Variants in LPCAT1 observed in about 807,000 individuals in gnomAD.
LPCAT1 encodes lysophosphatidylcholine acyltransferase 1, also known as 1-acylglycerol-3-phosphate O-acyltransferase.
A neutral mutation model predicts 60.9 loss-of-function variants in LPCAT1; 23 were observed. The ratio of observed to expected loss-of-function variants is 0.38; its 90% CI spans 0.27 to 0.53. The LOEUF is 0.53. Ranked by LOEUF, LPCAT1 falls within the 20% of genes least tolerant of loss-of-function variation. LPCAT1 has a pLI of 0.82. For missense variants in LPCAT1, 622 were observed against 723.6 expected (o/e 0.86, Z 1.61); for synonymous variants, 340 against 301.1 (o/e 1.13, Z -1.34).
intron 1 of LPCAT1, among the ~76,000 whole-genome samples, chr5:1,519,669 C>A (rs555307346): frequency 6.6e-6 from 1 of 152,338 alleles, no homozygotes; most frequent in African/African-American, 2.4e-5. Context: ...CTCACCTGTG[C>A]TTCCTGGGGC....
intron 12 of LPCAT1, among the ~76,000 whole-genome samples, chr5:1,468,299 A>G (rs1734522565): frequency 6.6e-6 from 1 of 152,196 alleles, no homozygotes; most frequent in African/African-American, 2.4e-5. Flanking sequence ...TCCTGCTTTT[A>G]GATTTGCTGA....
rs766221803 is a variant in LPCAT1, at chr5:1,483,377, C to G, written c.726+51G>C. 6.3e-7 allele frequency: 1 copy of G among 1,586,572 alleles called. No individual in the cohort carries two copies. The highest frequency in any genetic ancestry group is 1.7e-5 in the Admixed American group (1 of 59,976). ...GTGCACAGAGGCAGCTCGCAGTTCCCGTTTCCCGGAGAATTCCCCTGGAAG... is the reference window on the plus strand; with the variant it reads ...GTGCACAGAGGCAGCTCGCAGTTCCGGTTTCCCGGAGAATTCCCCTGGAAG... On this transcript the variant is annotated intron_variant, in intron 6 of 13. Coordinates refer to ENST00000283415, the MANE Select transcript of LPCAT1 (RefSeq NM_024830.5). The surrounding 1 kb of genome is among the most constrained non-coding windows in gnomAD (Gnocchi z 9.2).
chr5:1,494,984 C>T (rs765276655), intron 2 of LPCAT1, 70 bp from the exon 3 acceptor site: 5 of 1,418,206 alleles, frequency 3.5e-6, no homozygotes, highest in African/African-American at 1.4e-5. Flanking sequence ...GGCACAGGGG[C>T]GGTCCCACGG....
chr5:1,470,176 A>T (rs1734607905), intron 12 of LPCAT1, among the ~76,000 whole-genome samples: 2 of 152,256 alleles, frequency 1.3e-5, no homozygotes, highest in Non-Finnish European at 2.9e-5. Flanking sequence ...GCCTCTGTAC[A>T]GGCAAAGCCG....
In LPCAT1 at chr5:1,463,080, C is replaced by A. The variant is rs1302810894; in HGVS notation, c.*571G>T. 3 of 152,134 alleles carry A rather than the reference C, an allele frequency of 2.0e-5. No homozygotes were observed. Among genetic ancestry groups the A allele is most frequent in the Non-Finnish European group, 4.4e-5 (3 of 68,034 alleles). The allele number at this position is 152,134 out of a possible 1,614,324, so 9.4% of individuals were successfully genotyped here. A position where few individuals can be genotyped will look rare whatever the true frequency, so the allele number is the denominator to read the frequency against. On this transcript the variant is annotated 3_prime_UTR_variant, in exon 14 of 14. Transcript: ENST00000283415. ...AAAAATGAAGTAGAAAAACAATTTT[C>A]ATTTTTTAAAAAATGCTGCATGTTT...
In LPCAT1 at chr5:1,483,431, T is replaced by G; in HGVS notation, c.723A>C (p.Lys241Asn). 1 of 1,613,682 alleles carries G rather than the reference T, an allele frequency of 6.2e-7. No individual in the cohort carries two copies. Among genetic ancestry groups the G allele is most frequent in the Admixed American group, 1.7e-5 (1 of 60,018 alleles). Residue 241 changes from lysine (K) to asparagine (N), a missense_variant, in exon 6 of 14, where the codon AAA becomes AAC. Around this residue, in one of 3 missense-constraint regions of LPCAT1, gnomAD observed 209 missense variants for 325.5 expected, o/e 0.64. Transcript: ENST00000283415. The surrounding 1 kb of genome is among the most constrained non-coding windows in gnomAD (Gnocchi z 9.2). ...VQPVVLRYPN[K>N]LDTITWTWQG... ...ACCCCAAAAAAACACAACTCACCAG[T>G]TTATTTGGATATCGTAAAACCACAG...
At chr5:1,482,268 G>A (rs886115533) in intron 6 of LPCAT1, among the ~76,000 whole-genome samples, 8 of 151,334 alleles carry the variant, frequency 5.3e-5, no homozygotes, top group African/African-American at 7.3e-5. Flanking sequence ...TGAGCTCGGC[G>A]GCAGGCCTGT....
At position 1,494,277 on chromosome 5, in the gene LPCAT1, T is replaced by G; in HGVS notation, c.493+423A>C. ...CTGGAGCAAGCACTGTAGCCTGTTA[T>G]GATAGTGAGGGCACTCAGGTAGCAA... On this transcript the variant is annotated intron_variant, in intron 3 of 13. Transcript: ENST00000283415. Among the ~76,000 whole-genome samples the G allele has an allele frequency of 1.3e-5, 2 of 152,244 alleles. 1 individual carries two copies. The highest frequency in any genetic ancestry group is 4.8e-5 in the African/African-American group (2 of 41,464).
Position 1,470,938 on chromosome 5 carries a change from C to G in LPCAT1, c.1180-14G>C. 6.2e-7 allele frequency: 1 copy of G among 1,608,622 alleles called. No individual in the cohort carries two copies. Among genetic ancestry groups the G allele is most frequent in the Non-Finnish European group, 8.5e-7 (1 of 1,177,400 alleles). On this transcript the variant is annotated splice_polypyrimidine_tract_variant and intron_variant, in intron 11 of 13. Coordinates refer to ENST00000283415, the MANE Select transcript of LPCAT1 (RefSeq NM_024830.5). ...GCCGCTGCCGCTCTGTGGGGAGAGACGCTCTCAGCCACAGCTCGGCCGCCT... is the reference window on the plus strand; with the variant it reads ...GCCGCTGCCGCTCTGTGGGGAGAGAGGCTCTCAGCCACAGCTCGGCCGCCT...
At chr5:1,484,467 T>C (rs1735295155) in intron 5 of LPCAT1, among the ~76,000 whole-genome samples, 1 of 152,226 alleles carries the variant, frequency 6.6e-6, no homozygotes, top group African/African-American at 2.4e-5. Flanking sequence ...TGAGAAGGGC[T>C]CCCCTGCCTG....
chr5:1,483,056 G>T lies in LPCAT1; in HGVS notation c.726+372C>A, dbSNP rs1364724935. ...AACTGGGTACTGAAAGCTGCTGGGG[G>T]CCCTGGCCGGTGATGTGGGGTGGAG... On this transcript the variant is annotated intron_variant, in intron 6 of 13. Transcript: ENST00000283415. The surrounding 1 kb of genome is among the most constrained non-coding windows in gnomAD (Gnocchi z 9.2). Among the ~76,000 whole-genome samples, 3 of 152,172 alleles carry T rather than the reference G, an allele frequency of 2.0e-5. No homozygotes were observed. Among genetic ancestry groups the T allele is most frequent in the Non-Finnish European group, 2.9e-5 (2 of 68,028 alleles).
At chr5:1,479,737 C>T (rs1296867178) in intron 7 of LPCAT1, 62 bp from the exon 8 acceptor site, 2 of 1,310,982 alleles carry the variant, frequency 1.5e-6, no homozygotes, top group African/African-American at 1.5e-5. Flanking sequence ...GTAAATTACT[C>T]CCAATTCTGG....
Position 1,467,828 on chromosome 5 carries a change from G to T in LPCAT1, c.1279-938C>A, listed in dbSNP as rs113274731. ...CTCAGATGGGCCAGCTCTTCTACCT[G>T]GTTCTTCCCCGAGTCCTCTGCCTGG... On this transcript the variant is annotated intron_variant, in intron 12 of 13. Transcript: ENST00000283415. Among the ~76,000 whole-genome samples, 572 of 152,232 alleles carry T rather than the reference G, an allele frequency of 3.8e-3. 4 individuals are homozygous for T. The highest frequency in any genetic ancestry group is 0.013 in the African/African-American group (536 of 41,536).
At position 1,483,239 on chromosome 5, in the gene LPCAT1, G is replaced by GGGCCTGTCC. The variant is rs1735230470; in HGVS notation, c.726+188_726+189insGGACAGGCC. On this transcript the variant is annotated intron_variant, in intron 6 of 13. Transcript: ENST00000283415. This position sits in a 1 kb window ranked among gnomAD's most constrained non-coding sequence, Gnocchi z 9.2. ...AACAGGCCGCACTCAGGAACGTGCC[G>GGGCCTGTCC]AGCCCAGGGCCCGGGCCTGTCCTGC... Among the ~76,000 whole-genome samples, 5 of 152,258 alleles carry GGGCCTGTCC rather than the reference G, an allele frequency of 3.3e-5. 1 individual carries two copies. The South Asian group carries it at 1.0e-3, about 32-fold the overall frequency.
intron 1 of LPCAT1, among the ~76,000 whole-genome samples, chr5:1,515,473 T>A (rs1336820574): frequency 1.8e-5 from 1 of 57,082 alleles, no homozygotes; most frequent in African/African-American, 7.2e-5. Flanking sequence ...GCCCAGAACA[T>A]CCTGGCCCAA....
intron 2 of LPCAT1, among the ~76,000 whole-genome samples, chr5:1,497,568 T>C (rs1735841996): frequency 6.6e-6 from 1 of 152,206 alleles, no homozygotes; most frequent in Admixed American, 6.5e-5. Context: ...GAGGCAAGTC[T>C]GGTGATCCAC....
Position 1,481,742 on chromosome 5 carries a change from G to T in LPCAT1, c.727-766C>A, listed in dbSNP as rs1361492068. Among the ~76,000 whole-genome samples the T allele has an allele frequency of 6.6e-6, 1 of 152,284 alleles. No individual in the cohort carries two copies. Among genetic ancestry groups the T allele is most frequent in the Admixed American group, 6.5e-5 (1 of 15,292 alleles). Reference sequence around the variant, plus strand: ...CCCACAGGAGTTGCACTGGGGCATGGTTTCCGCAGCGGAGGCAGGAAGGGG... The same window carrying T: ...CCCACAGGAGTTGCACTGGGGCATGTTTTCCGCAGCGGAGGCAGGAAGGGG... On this transcript the variant is annotated intron_variant, in intron 6 of 13. Coordinates refer to ENST00000283415, the MANE Select transcript of LPCAT1 (RefSeq NM_024830.5). This position sits in a 1 kb window ranked among gnomAD's most constrained non-coding sequence, Gnocchi z 7.8.
intron 2 of LPCAT1, 150 bp downstream of exon 2, chr5:1,501,311 G>T: frequency 9.2e-7 from 1 of 1,089,894 alleles, no homozygotes; most frequent in Non-Finnish European, 1.3e-6. Flanking sequence ...GTCCCCACTG[G>T]CAGGGGGCAG....
rs1308977048 is a variant in LPCAT1 at position 1,521,493 on chromosome 5, A to G, written c.135+2217T>C. On this transcript the variant is annotated intron_variant, in intron 1 of 13. Transcript: ENST00000283415. This position sits in a 1 kb window ranked among gnomAD's most constrained non-coding sequence, Gnocchi z 4.3. ...CACTCTGTGGAAACTTTACAAGAAT[A>G]TATCACATCAAAGTAAAAGCTTTGC... is the stretch of plus-strand genomic sequence containing the variant. The G allele has an allele frequency of 1.0e-6, 1 of 985,288 alleles. No homozygotes were observed. The highest frequency in any genetic ancestry group is 5.2e-4 in the Middle Eastern group (1 of 1,912). The allele number at this position is 985,288 out of a possible 1,614,324, so 61.0% of individuals were successfully genotyped here. A position where few individuals can be genotyped will look rare whatever the true frequency, so the allele number is the denominator to read the frequency against.
Sources: allele counts gnomAD v4.1 joint callset (sites outside exome capture counted in the v4.1 genomes callset), GRCh38; gene constraint gnomAD v4.1.1; regional missense constraint gnomAD v4.1.1; non-coding constraint Gnocchi (gnomAD v3.1); transcripts MANE v1.5; gene names NCBI Gene and HGNC (gene_info 2026-07-23, HGNC 2026-07-21).